The following SPAG16 variants were observed in gnomAD, a reference collection of about 807,000 sequenced individuals.
SPAG16 encodes the protein sperm associated antigen 16.
A neutral mutation model predicts 80.4 loss-of-function variants in SPAG16; 86 were observed. That is an observed-to-expected ratio of 1.07 (90% CI 0.90 to 1.28). The LOEUF (loss-of-function observed/expected upper bound fraction) is 1.28, where lower values mean the gene tolerates loss of function less well. Among genes scored for constraint, SPAG16 ranks in the 50% most tolerant of loss-of-function variants. The probability of loss-of-function intolerance (pLI) is 0.00; values close to 1 mark genes in which losing one functional copy is unlikely to be tolerated. For synonymous variants in SPAG16, 294 were observed against 265.9 expected (o/e 1.11, Z -1.03); for missense variants, 870 against 765.3 (o/e 1.14, Z -1.61).
At chr2:213,786,669 T>C (rs1297713365) in intron 10 of SPAG16, among the ~76,000 whole-genome samples, 1 of 152,154 alleles carries the variant, frequency 6.6e-6, no homozygotes, top group African/African-American at 2.4e-5. Context: ...ATAAAACATA[T>C]GGCAGAAAAG....
intron 13 of SPAG16, among the ~76,000 whole-genome samples, chr2:214,050,917 T>C (rs1167515162): frequency 6.6e-6 from 1 of 152,212 alleles, no homozygotes; most frequent in African/African-American, 2.4e-5. Context: ...TAGAACACTC[T>C]TGCACATGTT....
At chr2:214,022,161 G>A (rs542649934) in intron 13 of SPAG16, among the ~76,000 whole-genome samples, 2 of 151,908 alleles carry the variant, frequency 1.3e-5, no homozygotes, top group African/African-American at 4.8e-5. Context: ...AAAAAGACAA[G>A]CCTTACCAAT....
At chr2:213,918,132 A>C (rs1227041630) in intron 11 of SPAG16, among the ~76,000 whole-genome samples, 1 of 152,096 alleles carries the variant, frequency 6.6e-6, no homozygotes, top group South Asian at 2.1e-4. Context: ...CTTGGTCATG[A>C]TGGATTAGTT....
chr2:213,617,420 C>T (rs1388858396), intron 10 of SPAG16, among the ~76,000 whole-genome samples: 1 of 152,178 alleles, frequency 6.6e-6, no homozygotes, highest in Non-Finnish European at 1.5e-5. Context: ...CAGCTCACTG[C>T]AACCTCTGCC....
chr2:213,942,620 T>C, intron 12 of SPAG16, among the ~76,000 whole-genome samples: 1 of 152,208 alleles, frequency 6.6e-6, no homozygotes, highest in East Asian at 1.9e-4. Flanking sequence ...GGGGAAAGTT[T>C]CTCTGTGATA....
At chr2:213,883,471 A>G (rs1440372334) in intron 11 of SPAG16, among the ~76,000 whole-genome samples, 2 of 152,148 alleles carry the variant, frequency 1.3e-5, no homozygotes, top group South Asian at 2.1e-4. Context: ...CAGATGAAAA[A>G]GAATGTGTAT....
At position 213,939,416 on chromosome 2, in the gene SPAG16, A is replaced by G. The variant is rs565683854; in HGVS notation, c.1400+9271A>G. On this transcript the variant is annotated intron_variant, in intron 12 of 15. Transcript: ENST00000331683. ...AAAGATTAATTCCTTTCTGCTAGAG[A>G]TGACAAGGGGGTATCACTGAGAGTG... Among the ~76,000 whole-genome samples the G allele has an allele frequency of 1.1e-4, 17 of 152,302 alleles. No homozygotes were observed. In the South Asian group the frequency reaches 3.5e-3, roughly 32 times the overall value.
chr2:213,720,994 C>T (rs1342096152), intron 10 of SPAG16, among the ~76,000 whole-genome samples: 2 of 152,032 alleles, frequency 1.3e-5, no homozygotes, highest in African/African-American at 2.4e-5. Context: ...CCTCGTGATC[C>T]GCCCACCTCA....
chr2:214,359,175 T>G (rs1699012336), intron 15 of SPAG16, among the ~76,000 whole-genome samples: 3 of 151,890 alleles, frequency 2.0e-5, no homozygotes, highest in East Asian at 3.8e-4. Context: ...TTGACGTGTA[T>G]CAAATATAAT....
intron 11 of SPAG16, among the ~76,000 whole-genome samples, chr2:213,866,516 G>A (rs1299097393): frequency 6.6e-6 from 1 of 151,480 alleles, no homozygotes; most frequent in Non-Finnish European, 1.5e-5. Flanking sequence ...AACTATACCT[G>A]TTAACACACG....
At chr2:214,317,116 A>G (rs778489395) in intron 15 of SPAG16, among the ~76,000 whole-genome samples, 2 of 152,210 alleles carry the variant, frequency 1.3e-5, no homozygotes, top group Non-Finnish European at 2.9e-5. Flanking sequence ...TTTGGGCTCT[A>G]GAAAATTAGA....
rs148861712 is a variant in SPAG16 at position 213,293,027 on chromosome 2, C to A, written c.137-3037C>A. ...TAATCTCACCTTGAATTGTAATAAT[C>A]CGTATGTGTCAAGGGCAGGACCTTG... On this transcript the variant is annotated intron_variant, in intron 1 of 15. Coordinates refer to ENST00000331683, the MANE Select transcript of SPAG16 (RefSeq NM_024532.5). Among the ~76,000 whole-genome samples, 71 of 152,230 alleles carry A rather than the reference C, an allele frequency of 4.7e-4. No individual in the cohort carries two copies. The East Asian group carries it at 0.01, about 22-fold the overall frequency.
intron 15 of SPAG16, among the ~76,000 whole-genome samples, chr2:214,289,983 CAGGAGAATTGGT>C (rs1299666891): frequency 6.6e-6 from 1 of 152,038 alleles, no homozygotes; most frequent in Non-Finnish European, 1.5e-5. Flanking sequence ...TGAATACTTT[CAGGAGAATTGGT>C]ATTAGTTCTT....
chr2:214,178,677 C>A (rs2057210588), intron 15 of SPAG16, among the ~76,000 whole-genome samples: 1 of 151,280 alleles, frequency 6.6e-6, no homozygotes, highest in South Asian at 2.1e-4. Context: ...CGTGCACATA[C>A]AACTAAGTTT....
At chr2:213,555,880 A>G (rs911787348) in intron 10 of SPAG16, among the ~76,000 whole-genome samples, 2 of 152,200 alleles carry the variant, frequency 1.3e-5, no homozygotes, top group African/African-American at 2.4e-5. Flanking sequence ...CTATTAAAAT[A>G]ATAATAGCTA....
At chr2:213,956,416 A>G in intron 12 of SPAG16, among the ~76,000 whole-genome samples, 1 of 144,926 alleles carries the variant, frequency 6.9e-6, no homozygotes, top group East Asian at 2.0e-4. Context: ...AGGCAGGTTG[A>G]TGATTTGAGA....
At chr2:213,526,629 A>G (rs2075897253) in intron 10 of SPAG16, among the ~76,000 whole-genome samples, 1 of 152,106 alleles carries the variant, frequency 6.6e-6, no homozygotes, top group Non-Finnish European at 1.5e-5. Context: ...TCTGGACACC[A>G]TATTTTGTTC....
chr2:213,331,024 C>G (rs1559417925), intron 5 of SPAG16, among the ~76,000 whole-genome samples: 1 of 152,226 alleles, frequency 6.6e-6, no homozygotes, highest in Non-Finnish European at 1.5e-5. Flanking sequence ...CATTAAACCT[C>G]TTTTTCTTCC....
intron 13 of SPAG16, among the ~76,000 whole-genome samples, chr2:214,036,981 A>G (rs2048732371): frequency 6.6e-6 from 1 of 152,000 alleles, no homozygotes; most frequent in Non-Finnish European, 1.5e-5. Context: ...GTGAAATACT[A>G]ATATTCTAAA....
Sources: gnomAD v4.1 joint callset for allele counts (sites outside exome capture counted in the v4.1 genomes callset) on GRCh38, gnomAD v4.1.1 for gene constraint, MANE v1.5 for transcripts, NCBI Gene and HGNC (gene_info 2026-07-23, HGNC 2026-07-21) for gene names.